The following PTPN22 variants were observed in gnomAD, a reference collection of about 807,000 sequenced individuals.
PTPN22 encodes the protein tyrosine-protein phosphatase non-receptor type 22.
A neutral mutation model predicts 103.3 loss-of-function variants in PTPN22; 85 were observed. The observed-to-expected ratio is 0.82, with a 90% CI of 0.69 to 0.99. PTPN22 has a LOEUF of 0.99. PTPN22 is among the 50% of genes least tolerant of loss of function. The pLI, the probability that PTPN22 is intolerant of heterozygous loss-of-function variation, is 0.00. For missense variants in PTPN22, 865 were observed against 936.9 expected, an observed-to-expected ratio of 0.92 and a Z score of 1.00; for synonymous variants, 323 against 310.2, an observed-to-expected ratio of 1.04 and a Z score of -0.43.
intron 9 of PTPN22, among the ~76,000 whole-genome samples, chr1:113,853,388 T>C (rs2102074581): frequency 6.7e-6 from 1 of 149,460 alleles, no homozygotes; most frequent in South Asian, 2.1e-4. Context: ...TTCACTTTTG[T>C]TGCCCAAGCT....
intron 19 of PTPN22, among the ~76,000 whole-genome samples, chr1:113,821,530 G>A (rs958816451): frequency 6.6e-6 from 1 of 152,104 alleles, no homozygotes; most frequent in Non-Finnish European, 1.5e-5. Context: ...CACCATGTTG[G>A]CCAGGCTGGT....
intron 1 of PTPN22, among the ~76,000 whole-genome samples, chr1:113,868,131 C>T (rs567194689): frequency 6.6e-6 from 1 of 151,542 alleles, no homozygotes; most frequent in South Asian, 2.1e-4. Flanking sequence ...TTGGTTGAAT[C>T]CAAGGATGTA....
intron 1 of PTPN22, among the ~76,000 whole-genome samples, chr1:113,868,168 G>A (rs1349914320): frequency 6.6e-6 from 1 of 152,126 alleles, no homozygotes; most frequent in East Asian, 1.9e-4. Context: ...ACAGCCATCT[G>A]TATTGTTCTC....
intron 15 of PTPN22, 59 bp downstream of exon 15, chr1:113,834,250 A>G (rs1435691223): frequency 7.3e-6 from 11 of 1,510,140 alleles, no homozygotes; most frequent in Admixed American, 5.6e-5. Context: ...TAAAAATACA[A>G]GGAGTAGAAC....
intron 19 of PTPN22, among the ~76,000 whole-genome samples, chr1:113,824,106 CT>C (rs57935879): frequency 4.8e-4 from 71 of 146,714 alleles, no homozygotes; most frequent in Admixed American, 6.1e-4. Context: ...CACCATGGTT[CT>C]TTTTTTTTTT....
intron 11 of PTPN22, among the ~76,000 whole-genome samples, chr1:113,847,799 G>C (rs1664227868): frequency 6.6e-6 from 1 of 151,554 alleles, no homozygotes; most frequent in African/African-American, 2.4e-5. Context: ...GGCTGGTCTT[G>C]AACTCCTGAT....
chr1:113,864,922 A>C (rs1665990477), intron 1 of PTPN22, among the ~76,000 whole-genome samples: 1 of 149,730 alleles, frequency 6.7e-6, no homozygotes. Context: ...AAAAAAAAAA[A>C]AAAAAAATTA....
intron 1 of PTPN22, among the ~76,000 whole-genome samples, chr1:113,869,243 G>A (rs936464456): frequency 6.6e-5 from 10 of 152,150 alleles, no homozygotes; most frequent in Non-Finnish European, 1.2e-4. Flanking sequence ...AGATTTGTAT[G>A]ATTAAAAGAT....
chr1:113,869,141 G>A (rs1459755244), intron 1 of PTPN22, among the ~76,000 whole-genome samples: 5 of 152,242 alleles, frequency 3.3e-5, no homozygotes, highest in African/African-American at 7.2e-5. Flanking sequence ...GCTTGAACCA[G>A]GGAGGTGGAG....
In PTPN22 at chr1:113,814,976, A is replaced by G; in HGVS notation, c.2360-7T>C. 6.3e-7 allele frequency: 1 copy of G among 1,598,780 alleles called. No homozygotes were observed. Among genetic ancestry groups the G allele is most frequent in the Non-Finnish European group, 8.5e-7 (1 of 1,170,704 alleles). Reference sequence around the variant, plus strand: ...GAAAAACGGTTTGCAAAACCTGGGAACAAAAATAAAGTTGAATGAAAAGAA... The same window carrying G: ...GAAAAACGGTTTGCAAAACCTGGGAGCAAAAATAAAGTTGAATGAAAAGAA... On this transcript the variant is annotated splice_polypyrimidine_tract_variant and splice_region_variant and intron_variant, in intron 20 of 20. Coordinates refer to ENST00000359785, the Ensembl canonical transcript of PTPN22.
chr1:113,829,950 A>G (rs773729379), exon 17 of PTPN22: 8 of 1,593,530 alleles, frequency 5.0e-6, no homozygotes, highest in South Asian at 1.1e-5. Flanking sequence ...ACCACTTACA[A>G]TCTTCATCGG....
chr1:113,851,640 C>A (rs1248426084), intron 10 of PTPN22, among the ~76,000 whole-genome samples: 1 of 152,146 alleles, frequency 6.6e-6, no homozygotes, highest in African/African-American at 2.4e-5. Flanking sequence ...GTAGAAATTA[C>A]AAATCCCTGA....
intron 11 of PTPN22, among the ~76,000 whole-genome samples, chr1:113,839,725 GAT>G (rs1323614919): frequency 7.2e-5 from 11 of 152,196 alleles, no homozygotes; most frequent in African/African-American, 2.2e-4. Context: ...TTCTCAACAT[GAT>G]AGAGGCCATA....
intron 3 of PTPN22, among the ~76,000 whole-genome samples, 200 bp from the exon 4 acceptor site, chr1:113,858,773 G>C (rs908592715): frequency 6.6e-6 from 1 of 151,748 alleles, no homozygotes; most frequent in African/African-American, 2.4e-5. Context: ...TCCAGTAGCT[G>C]GGACTACAAG....
At chr1:113,870,804 A>G (rs1378333570) in intron 1 of PTPN22, among the ~76,000 whole-genome samples, 1 of 152,244 alleles carries the variant, frequency 6.6e-6, no homozygotes, top group African/African-American at 2.4e-5. Flanking sequence ...GGATTGCTTG[A>G]AGCCAGGAGT....
Position 113,835,007 on chromosome 1 carries a change from C to G in PTPN22, c.1811-14G>C, listed in dbSNP as rs1662861120. ...TTGGAGCAGTTGCTATCCAAAATGTCAAAAATATTGTAACAATTGTTAATT... is the reference window on the plus strand; with the variant it reads ...TTGGAGCAGTTGCTATCCAAAATGTGAAAAATATTGTAACAATTGTTAATT... On this transcript the variant is annotated splice_polypyrimidine_tract_variant and intron_variant, in intron 13 of 20. Transcript: ENST00000359785. 6.7e-7 allele frequency: 1 copy of G among 1,482,848 alleles called. No individual in the cohort carries two copies. Among genetic ancestry groups the G allele is most frequent in the African/African-American group, 1.5e-5 (1 of 68,208 alleles). 91.9% of individuals were successfully genotyped at this position (1,482,848 alleles called of 1,614,324 possible). A position where few individuals can be genotyped will look rare whatever the true frequency, so the allele number is the denominator to read the frequency against.
At chr1:113,820,532 T>G (rs1227860241) in intron 19 of PTPN22, among the ~76,000 whole-genome samples, 2 of 152,156 alleles carry the variant, frequency 1.3e-5, no homozygotes, top group Non-Finnish European at 2.9e-5. Context: ...TGCTTTGTTT[T>G]GCTATTTTAG....
At chr1:113,842,545 G>C (rs1663647952) in intron 11 of PTPN22, among the ~76,000 whole-genome samples, 1 of 151,972 alleles carries the variant, frequency 6.6e-6, no homozygotes. Context: ...GTGGTGGCAT[G>C]TGCCTGTAAT....
chr1:113,847,613 C>CT (rs1664209930), intron 11 of PTPN22, among the ~76,000 whole-genome samples: 1 of 149,860 alleles, frequency 6.7e-6, no homozygotes, highest in Non-Finnish European at 1.5e-5. Flanking sequence ...GAGTGTTGCT[C>CT]TGTCACCTAG....
Sources: allele counts gnomAD v4.1 joint callset (sites outside exome capture counted in the v4.1 genomes callset), GRCh38; gene constraint gnomAD v4.1.1; transcripts MANE v1.5; gene names NCBI Gene and HGNC (gene_info 2026-07-23, HGNC 2026-07-21).